The following RPRD2 variants were observed in gnomAD, a reference collection of about 807,000 sequenced individuals.
RPRD2 encodes regulation of nuclear pre-mRNA domain-containing protein 2.
RPRD2 carries 12 observed loss-of-function variants against 104.4 expected under a neutral mutation model. The ratio of observed to expected loss-of-function variants is 0.11; its 90% CI spans 0.07 to 0.19. RPRD2 has a LOEUF of 0.19. Among genes scored for constraint, RPRD2 ranks in the 10% least tolerant of loss-of-function variants. RPRD2 has a pLI of 1.00. For synonymous variants in RPRD2, 714 were observed against 684.9 expected (o/e 1.04, Z -0.66); for missense variants, 1,543 against 1,790.1 (o/e 0.86, Z 2.49).
At chr1:150,444,154 T>G in intron 5 of RPRD2, 97 bp from the exon 6 acceptor site, 1 of 1,238,916 alleles carries the variant, frequency 8.1e-7, no homozygotes. Context: ...GGGTGTTTGT[T>G]TTGTTTTGTT....
intron 2 of RPRD2, among the ~76,000 whole-genome samples, chr1:150,428,671 G>C (rs960890093): frequency 6.6e-6 from 1 of 151,932 alleles, no homozygotes; most frequent in Non-Finnish European, 1.5e-5. Context: ...CTTTTATTCA[G>C]ACAATTAGCA....
chr1:150,436,554 TC>T (rs1666005335), intron 2 of RPRD2, among the ~76,000 whole-genome samples: 1 of 151,108 alleles, frequency 6.6e-6, no homozygotes, highest in East Asian at 1.9e-4. Context: ...TGAGCCAAGA[TC>T]GCCACTGCAC....
chr1:150,376,284 A>G (rs1459700867), intron 1 of RPRD2, among the ~76,000 whole-genome samples: 1 of 152,070 alleles, frequency 6.6e-6, no homozygotes, highest in Non-Finnish European at 1.5e-5. Flanking sequence ...AATTTCACTT[A>G]CTTGCACTTT....
intron 7 of RPRD2, among the ~76,000 whole-genome samples, chr1:150,448,834 T>TG (rs1269533501): frequency 6.6e-6 from 1 of 152,252 alleles, no homozygotes; most frequent in African/African-American, 2.4e-5. Context: ...TCTTAACTGT[T>TG]GTCCTGAGTT....
chr1:150,439,476 T>A (rs913371551), intron 2 of RPRD2, among the ~76,000 whole-genome samples: 40 of 151,916 alleles, frequency 2.6e-4, no homozygotes, highest in Non-Finnish European at 5.9e-5. Context: ...TGAGACCCTG[T>A]CTCAAAAAAA....
intron 7 of RPRD2, among the ~76,000 whole-genome samples, chr1:150,453,184 C>T (rs1200618713): frequency 6.6e-6 from 1 of 151,982 alleles, no homozygotes; most frequent in Admixed American, 6.6e-5. Flanking sequence ...AGGCGCACAC[C>T]ACCACGCCCA....
chr1:150,387,818 G>A (rs1661703267), intron 1 of RPRD2, among the ~76,000 whole-genome samples: 1 of 150,736 alleles, frequency 6.6e-6, no homozygotes, highest in African/African-American at 2.4e-5. Flanking sequence ...TTGAACTCCT[G>A]ACCTCAGGTG....
At chr1:150,444,198 T>C (rs2102364599) in intron 5 of RPRD2, 53 bp from the exon 6 acceptor site, 1 of 1,548,096 alleles carries the variant, frequency 6.5e-7, no homozygotes, top group South Asian at 1.2e-5. Flanking sequence ...AGAGAGAGAA[T>C]GAGAATAATT....
At chr1:150,418,231 T>C (rs587749654) in intron 2 of RPRD2, among the ~76,000 whole-genome samples, 2 of 152,260 alleles carry the variant, frequency 1.3e-5, no homozygotes, top group African/African-American at 4.8e-5. Flanking sequence ...CCTCCCAAAG[T>C]GCTGGGATTA....
intron 2 of RPRD2, among the ~76,000 whole-genome samples, chr1:150,435,825 T>C (rs1273388967): frequency 6.6e-6 from 1 of 152,196 alleles, no homozygotes; most frequent in Non-Finnish European, 1.5e-5. Flanking sequence ...ATTTTCAAGG[T>C]AGATGAAACA....
At chr1:150,366,851 T>TG (rs1659879030) in intron 1 of RPRD2, among the ~76,000 whole-genome samples, 1 of 152,234 alleles carries the variant, frequency 6.6e-6, no homozygotes, top group South Asian at 2.1e-4. Flanking sequence ...CCTTGGGCTC[T>TG]GGGGCTTTAA....
intron 1 of RPRD2, among the ~76,000 whole-genome samples, chr1:150,400,183 T>C (rs1277678909): frequency 1.3e-5 from 2 of 152,212 alleles, no homozygotes; most frequent in Non-Finnish European, 2.9e-5. Context: ...ATTTCCCCGT[T>C]TGTTGCTGTG....
chr1:150,434,149 G>A (rs1665839455), intron 2 of RPRD2, among the ~76,000 whole-genome samples: 1 of 152,156 alleles, frequency 6.6e-6, no homozygotes, highest in African/African-American at 2.4e-5. Context: ...GAGGCCAGGA[G>A]TTCAAGACCA....
At chr1:150,405,351 TAAAATG>T (rs1282703806) in intron 1 of RPRD2, among the ~76,000 whole-genome samples, 5 of 152,162 alleles carry the variant, frequency 3.3e-5, no homozygotes, top group Non-Finnish European at 7.4e-5. Flanking sequence ...AGTCAGTACA[TAAAATG>T]AAATTAGGCT....
rs750708416 is a variant in RPRD2 at position 150,472,949 on chromosome 1, G to C, written c.4001G>C (p.Gly1334Ala). 1 of 1,613,696 alleles carries C rather than the reference G, an allele frequency of 6.2e-7. No homozygotes were observed. Among genetic ancestry groups the C allele is most frequent in the African/African-American group, 1.3e-5 (1 of 74,936 alleles). ...AAGGACCATAGTTCCCTCCTTCAAG[G>C]GACCCTGGCTGAGCATTTTGGGGTA... ...FPKDHSSLLQGTLAEHFGVLP... is the reference protein window; with the variant it reads ...FPKDHSSLLQATLAEHFGVLP... The change falls in exon 11 of 11, where the codon GGG (glycine) becomes GCG (alanine). Residue 1334 changes from glycine to alanine, a missense_variant. By Grantham distance (60) the Gly-to-Ala change is moderately conservative. Around this residue, in one of 4 missense-constraint regions of RPRD2, gnomAD observed 880 missense variants for 885.6 expected, o/e 0.99. Coordinates refer to ENST00000369068, the MANE Select transcript of RPRD2 (RefSeq NM_015203.5).
At chr1:150,452,519 T>C (rs1667253859) in intron 7 of RPRD2, among the ~76,000 whole-genome samples, 1 of 152,240 alleles carries the variant, frequency 6.6e-6, no homozygotes, top group Non-Finnish European at 1.5e-5. Context: ...AGACTTTCGA[T>C]GTATTCATTT....
At chr1:150,389,749 A>G (rs895474675) in intron 1 of RPRD2, among the ~76,000 whole-genome samples, 3 of 152,152 alleles carry the variant, frequency 2.0e-5, no homozygotes, top group Non-Finnish European at 4.4e-5. Context: ...ACAAGCACAC[A>G]TTTTAATGCA....
At chr1:150,396,717 A>C (rs1553884293) in intron 1 of RPRD2, among the ~76,000 whole-genome samples, 1 of 152,136 alleles carries the variant, frequency 6.6e-6, no homozygotes. Context: ...TATGGAACCA[A>C]AAAAGACCCC....
chr1:150,462,787 C>A (rs1175945828), intron 9 of RPRD2, among the ~76,000 whole-genome samples: 1 of 152,130 alleles, frequency 6.6e-6, no homozygotes, highest in Admixed American at 6.6e-5. Flanking sequence ...GATCTCCTGA[C>A]CTCGTGATCT....
Sources: allele counts gnomAD v4.1 joint callset (sites outside exome capture counted in the v4.1 genomes callset), GRCh38; gene constraint gnomAD v4.1.1; regional missense constraint gnomAD v4.1.1; transcripts MANE v1.5; gene names NCBI Gene and HGNC (gene_info 2026-07-23, HGNC 2026-07-21).